The following SBF2 variants were observed in gnomAD, a reference collection of about 807,000 sequenced individuals.
SBF2 encodes myotubularin-related protein 13.
A neutral mutation model predicts 225.2 loss-of-function variants in SBF2; 112 were observed. That is an observed-to-expected ratio of 0.50 (90% confidence interval 0.43 to 0.58). SBF2 has a LOEUF of 0.58. Among genes scored for constraint, SBF2 ranks in the 20% least tolerant of loss-of-function variants. The pLI, the probability that SBF2 is intolerant of heterozygous loss-of-function variation, is 0.00. For synonymous variants in SBF2, 763 were observed against 773.3 expected (o/e 0.99, Z 0.22); for missense variants, 1,996 against 2,206.2 (o/e 0.90, Z 1.91).
At chr11:10,033,867 T>C (rs1402724114) in intron 3 of SBF2, among the ~76,000 whole-genome samples, 2 of 152,156 alleles carry the variant, frequency 1.3e-5, no homozygotes, top group East Asian at 3.8e-4. Context: ...TTTTATTTGG[T>C]GTGTGTTTTA....
chr11:9,833,088 C>G (rs773792350), intron 26 of SBF2, among the ~76,000 whole-genome samples: 20 of 152,290 alleles, frequency 1.3e-4, no homozygotes, highest in Admixed American at 2.6e-4. Context: ...TTAGAGAATA[C>G]AGCATGCCAA....
At chr11:9,830,432 T>C (rs1207931224) in intron 27 of SBF2, among the ~76,000 whole-genome samples, 2 of 152,160 alleles carry the variant, frequency 1.3e-5, no homozygotes, top group Non-Finnish European at 2.9e-5. Flanking sequence ...GTAAGATGCA[T>C]TGCAATTTCA....
In SBF2 at chr11:9,812,717, G is replaced by A. The variant is rs775316627; in HGVS notation, c.3979-9C>T. The A allele has an allele frequency of 1.1e-5, 18 of 1,613,636 alleles. No individual in the cohort carries two copies. Among genetic ancestry groups the A allele is most frequent in the Non-Finnish European group, 1.4e-5 (17 of 1,179,784 alleles). On this transcript the variant is annotated splice_polypyrimidine_tract_variant and intron_variant, in intron 29 of 39. Coordinates refer to ENST00000256190, the MANE Select transcript of SBF2 (RefSeq NM_030962.4). The stretch of plus-strand genomic sequence containing the variant: ...AATTCTACCTTGAAGTTCTGCGGAT[G>A]AAGATTCAGAGAATTAGGCAGATGA...
intron 1 of SBF2, among the ~76,000 whole-genome samples, chr11:10,285,670 C>T (rs1295752076): frequency 6.6e-6 from 1 of 152,044 alleles, no homozygotes; most frequent in African/African-American, 2.4e-5. Flanking sequence ...GGTATTTAAA[C>T]CCCAGAAAAT....
intron 8 of SBF2, among the ~76,000 whole-genome samples, chr11:9,999,523 T>C (rs1247078307): frequency 6.6e-6 from 1 of 152,114 alleles, no homozygotes. Flanking sequence ...GGTTTCTCCA[T>C]GTTGGCCAGG....
chr11:9,915,410 G>A (rs76282167), intron 16 of SBF2, among the ~76,000 whole-genome samples: 8,622 of 141,592 alleles, frequency 0.061, 418 homozygotes, highest in East Asian at 0.28. Flanking sequence ...TCGCGCCACT[G>A]TACTCCAGTC....
chr11:10,116,678 T>C (rs1287729514), intron 2 of SBF2, among the ~76,000 whole-genome samples: 1 of 152,064 alleles, frequency 6.6e-6, no homozygotes. Context: ...CCTCCACAAT[T>C]CTCCATGAGC....
chr11:10,279,897 C>A (rs1185396672), intron 1 of SBF2, among the ~76,000 whole-genome samples: 1 of 152,230 alleles, frequency 6.6e-6, no homozygotes, highest in Non-Finnish European at 1.5e-5. Context: ...GATCCGCCCA[C>A]CTCGGCCTCC....
chr11:9,945,587 A>T (rs1865515485), intron 16 of SBF2, among the ~76,000 whole-genome samples: 1 of 152,196 alleles, frequency 6.6e-6, no homozygotes, highest in African/African-American at 2.4e-5. Context: ...AAAATAAAAA[A>T]TAGACAAGTG....
At chr11:10,108,820 G>T (rs186622883) in intron 2 of SBF2, among the ~76,000 whole-genome samples, 2 of 152,058 alleles carry the variant, frequency 1.3e-5, no homozygotes, top group African/African-American at 4.8e-5. Context: ...CACCGCGCCC[G>T]GCCAATAGTT....
At chr11:9,793,530 C>T (rs1852894191) in intron 33 of SBF2, among the ~76,000 whole-genome samples, 1 of 152,180 alleles carries the variant, frequency 6.6e-6, no homozygotes, top group African/African-American at 2.4e-5. Flanking sequence ...GCTGGGATTA[C>T]AGGCACATGC....
At chr11:10,095,402 G>T (rs1297061207) in intron 2 of SBF2, among the ~76,000 whole-genome samples, 3 of 152,146 alleles carry the variant, frequency 2.0e-5, no homozygotes, top group African/African-American at 7.2e-5. Flanking sequence ...GATATCACTT[G>T]CACACAAACT....
chr11:9,986,602 TTA>T (rs1407751045), intron 13 of SBF2, among the ~76,000 whole-genome samples: 1 of 152,080 alleles, frequency 6.6e-6, no homozygotes, highest in Non-Finnish European at 1.5e-5. Context: ...ACTGGAGATA[TTA>T]CACCTGACAC....
chr11:10,287,372 C>T (rs1963869867), intron 1 of SBF2, among the ~76,000 whole-genome samples: 1 of 152,170 alleles, frequency 6.6e-6, no homozygotes, highest in Non-Finnish European at 1.5e-5. Context: ...GCTTCGAACT[C>T]CTAGGTTCAA....
At chr11:9,835,833 TGTGA>T (rs1457952814) in intron 26 of SBF2, among the ~76,000 whole-genome samples, 3 of 152,112 alleles carry the variant, frequency 2.0e-5, no homozygotes, top group Admixed American at 1.3e-4. Flanking sequence ...TATTTCACTG[TGTGA>T]GTATGATACC....
chr11:9,902,167 C>T (rs11608212), intron 16 of SBF2, among the ~76,000 whole-genome samples: 28,429 of 152,066 alleles, frequency 0.19, 3,022 homozygotes, highest in Non-Finnish European at 0.23. Context: ...GAGAGATTAG[C>T]TGGGAGTCTG....
Position 9,963,880 on chromosome 11 carries a change from A to C in SBF2, c.1603T>G (p.Ser535Ala). The change falls in exon 15 of 40, where the codon TCG (serine) becomes GCG (alanine). Residue 535 changes from serine (S) to alanine (A), a missense_variant and splice_region_variant. Physicochemically the swap from Ser to Ala is moderately conservative, Grantham distance 99. Transcript: ENST00000256190. ...ACTGTCGTCACCTTGTCCATTATCG[A>C]AACTAGTAAAAGAATATAAAGAAAG... Reference protein sequence around the residue: ...CVVPAGPPVVSIMDKVTTVFN... With the variant: ...CVVPAGPPVVAIMDKVTTVFN... The C allele has an allele frequency of 6.5e-7, 1 of 1,536,260 alleles. No individual in the cohort carries two copies. Among genetic ancestry groups the C allele is most frequent in the South Asian group, 1.1e-5 (1 of 88,958 alleles).
chr11:10,188,789 G>C (rs1003329813), intron 2 of SBF2, among the ~76,000 whole-genome samples: 2 of 152,190 alleles, frequency 1.3e-5, no homozygotes, highest in Non-Finnish European at 2.9e-5. Context: ...AACAGTCTGG[G>C]AGTGGGTACC....
At chr11:10,235,272 C>T (rs1959018401) in intron 1 of SBF2, among the ~76,000 whole-genome samples, 1 of 152,142 alleles carries the variant, frequency 6.6e-6, no homozygotes, top group African/African-American at 2.4e-5. Flanking sequence ...CGGTGGCTCA[C>T]GATTGTAATC....
Sources: allele counts gnomAD v4.1 joint callset (sites outside exome capture counted in the v4.1 genomes callset), GRCh38; gene constraint gnomAD v4.1.1; transcripts MANE v1.5; gene names NCBI Gene and HGNC (gene_info 2026-07-23, HGNC 2026-07-21).